HCN2: variants seen among roughly 807,000 people sequenced by gnomAD.
The protein encoded by HCN2 is hyperpolarization activated cyclic nucleotide gated potassium and sodium channel 2, also known as potassium/sodium hyperpolarization-activated cyclic nucleotide-gated channel 2.
Under a neutral mutation model 52.3 loss-of-function variants are expected in HCN2, and 20 were observed. The ratio of observed to expected loss-of-function variants is 0.38; its 90% CI spans 0.27 to 0.56. HCN2 has a LOEUF of 0.56. Ranked by LOEUF, HCN2 falls within the 20% of genes least tolerant of loss-of-function variation. The pLI, the probability that HCN2 is intolerant of heterozygous loss-of-function variation, is 0.71. For synonymous variants in HCN2, 694 were observed against 537.0 expected (o/e 1.29, Z -4.04); for missense variants, 981 against 1,207.7 (o/e 0.81, Z 2.78).
In HCN2 at chr19:615,933, G is replaced by A. The variant is rs1419435042; in HGVS notation, c.2129G>A (p.Arg710His). Residue 710 changes from arginine to histidine, a missense_variant, in exon 8 of 8, where the codon CGC becomes CAC. By Grantham distance (29) the Arg-to-His change is conservative. Coordinates refer to ENST00000251287, the MANE Select transcript of HCN2 (RefSeq NM_001194.4). The part of the protein sequence containing the change: ...EMVQQAELGQ[R>H]VGLFPPPPPP... ...GTGCAGCAGGCCGAGCTGGGTCAGCGCGTGGGCCTCTTCCCGCCGCCGCCG... is the reference window on the plus strand; with the variant it reads ...GTGCAGCAGGCCGAGCTGGGTCAGCACGTGGGCCTCTTCCCGCCGCCGCCG... 3 of 1,610,658 alleles carry A rather than the reference G, an allele frequency of 1.9e-6. No homozygotes were observed. Among genetic ancestry groups the A allele is most frequent in the African/African-American group, 2.7e-5 (2 of 75,000 alleles).
intron 3 of HCN2, among the ~76,000 whole-genome samples, chr19:606,903 G>A (rs1323767912): frequency 7.0e-6 from 1 of 142,228 alleles, no homozygotes; most frequent in Non-Finnish European, 1.5e-5. Flanking sequence ...CGGGCGCGGT[G>A]GCTCACGCCT....
Position 612,223 on chromosome 19 carries a change from G to A in HCN2, c.1585-1025G>A, listed in dbSNP as rs1983667530. ...AGCTGGTCCCTAAAGGGAACGTGGT[G>A]TAACCACCACACAGAACGAAGCTGG... On this transcript the variant is annotated intron_variant, in intron 5 of 7. Coordinates refer to ENST00000251287, the MANE Select transcript of HCN2 (RefSeq NM_001194.4). Among the ~76,000 whole-genome samples, 5 of 152,162 alleles carry A rather than the reference G, an allele frequency of 3.3e-5. No homozygotes were observed. The South Asian group carries it at 1.0e-3, about 31-fold the overall frequency.
intron 4 of HCN2, among the ~76,000 whole-genome samples, chr19:608,939 G>T (rs1247806771): frequency 6.6e-6 from 1 of 152,204 alleles, no homozygotes; most frequent in Non-Finnish European, 1.5e-5. Flanking sequence ...GCTGGGAGGG[G>T]TGGAGGGAGA....
chr19:597,288 A>G (rs1471549860), intron 1 of HCN2, among the ~76,000 whole-genome samples: 1 of 152,230 alleles, frequency 6.6e-6, no homozygotes, highest in Non-Finnish European at 1.5e-5. Flanking sequence ...GCCGTGGATA[A>G]GAGGACAGTC....
rs1198583481 is a variant in HCN2, at chr19:590,196, G to A, written c.251G>A (p.Arg84His). 9.1e-5 allele frequency: 89 copies of A among 981,778 alleles called. No homozygotes were observed. Among genetic ancestry groups the A allele is most frequent in the Non-Finnish European group, 1.1e-4 (88 of 829,866 alleles). The allele number at this position is 981,778 out of a possible 1,614,324, so 60.8% of individuals were successfully genotyped here. A position where few individuals can be genotyped will look rare whatever the true frequency, so the allele number is the denominator to read the frequency against. ...CGCAGCCGCGACAGCTCGTGCGGCC[G>A]CCCCGGCACCCCGGGCGCGGCGAGC... ...RLRSRDSSCGRPGTPGAASTA... is the reference protein window; with the variant it reads ...RLRSRDSSCGHPGTPGAASTA... The change falls in exon 1 of 8, where the codon CGC becomes CAC. Residue 84 changes from arginine (R) to histidine (H), a missense_variant. Arg to His is a conservative substitution (Grantham distance 29). This residue lies in a region of HCN2 where 215 missense variants were observed against 179.4 expected (regional missense o/e 1.20). Coordinates refer to ENST00000251287, the MANE Select transcript of HCN2 (RefSeq NM_001194.4). This position sits in a 1 kb window ranked among gnomAD's most constrained non-coding sequence, Gnocchi z 7.2.
At chr19:594,910 G>A (rs1281591675) in intron 1 of HCN2, among the ~76,000 whole-genome samples, 1 of 152,138 alleles carries the variant, frequency 6.6e-6, no homozygotes, top group Non-Finnish European at 1.5e-5. Context: ...CTCGAAAACG[G>A]ACATCTTTGT....
intron 7 of HCN2, among the ~76,000 whole-genome samples, chr19:614,619 C>T (rs1983818120): frequency 1.3e-5 from 2 of 152,220 alleles, no homozygotes; most frequent in East Asian, 1.9e-4. Flanking sequence ...TCCAGAGAGC[C>T]AGGGAGGCCT....
At position 607,907 on chromosome 19, in the gene HCN2, G is replaced by T. The variant is rs1030320926; in HGVS notation, c.1219-57G>T. Reference sequence around the variant, plus strand: ...GGTGGGCGCTGGGCCCTTGAGGACCGAGGGCTCCTGGGGCGTGAGCACCTG... The same window carrying T: ...GGTGGGCGCTGGGCCCTTGAGGACCTAGGGCTCCTGGGGCGTGAGCACCTG... On this transcript the variant is annotated intron_variant, in intron 3 of 7. Coordinates refer to ENST00000251287, the MANE Select transcript of HCN2 (RefSeq NM_001194.4). 9 of 1,399,068 alleles carry T rather than the reference G, an allele frequency of 6.4e-6. No homozygotes were observed. The South Asian group carries it at 1.1e-4, about 17-fold the overall frequency. 86.7% of individuals were successfully genotyped at this position (1,399,068 alleles called of 1,614,324 possible). A position where few individuals can be genotyped will look rare whatever the true frequency, so the allele number is the denominator to read the frequency against.
chr19:613,620 TGGGGATGGGGATGGGGCC>T lies in HCN2; in HGVS notation c.1825+149_1825+166del, dbSNP rs1422072220. ...ATGGGGATGGGGCCGGGGATGGGGA[TGGGGATGGGGATGGGGCC>T]GGGGATGGGGATGGGGATGGGGCCG... On this transcript the variant is annotated intron_variant, in intron 6 of 7. Transcript: ENST00000251287. The T allele has an allele frequency of 1.6e-3, 77 of 49,568 alleles. 2 individuals are homozygous for T. The highest frequency in any genetic ancestry group is 0.011 in the African/African-American group (66 of 6,270). The allele number at this position is 49,568 out of a possible 1,614,324, so 3.1% of individuals were successfully genotyped here. A position where few individuals can be genotyped will look rare whatever the true frequency, so the allele number is the denominator to read the frequency against.
In HCN2 at chr19:616,876, G is replaced by C. The variant is rs556388070; in HGVS notation, c.*402G>C. ...GGATCGTTTTCTAAGTGCAATACTT[G>C]GCCCGCCGGCTTCCCGCTGCCCCCA... On this transcript the variant is annotated 3_prime_UTR_variant, in exon 8 of 8. Coordinates refer to ENST00000251287, the MANE Select transcript of HCN2 (RefSeq NM_001194.4). 8.4e-4 allele frequency: 199 copies of C among 237,484 alleles called. No homozygotes were observed. In the South Asian group the frequency reaches 9.4e-3, roughly 11 times the overall value. The allele number at this position is 237,484 out of a possible 1,614,324, so 14.7% of individuals were successfully genotyped here. A position where few individuals can be genotyped will look rare whatever the true frequency, so the allele number is the denominator to read the frequency against.
rs7256665 is a variant in HCN2 at position 590,937 on chromosome 19, G to A, written c.632+360G>A. On this transcript the variant is annotated intron_variant, in intron 1 of 7. Coordinates refer to ENST00000251287, the MANE Select transcript of HCN2 (RefSeq NM_001194.4). This position sits in a 1 kb window ranked among gnomAD's most constrained non-coding sequence, Gnocchi z 7.2. ...CAGAGAGGCGGCGGAGCGGGAGGGA[G>A]GAGGAACGAAGGGCGCCCGGGAAGG... 471 of 162,912 alleles carry A rather than the reference G, an allele frequency of 2.9e-3. 4 individuals are homozygous for A. The highest frequency in any genetic ancestry group is 9.6e-3 in the African/African-American group (402 of 41,898). The allele number at this position is 162,912 out of a possible 1,614,324, so 10.1% of individuals were successfully genotyped here. A position where few individuals can be genotyped will look rare whatever the true frequency, so the allele number is the denominator to read the frequency against.
At chr19:603,522 G>T in intron 1 of HCN2, 22 bp from the exon 2 acceptor site, 1 of 1,586,984 alleles carries the variant, frequency 6.3e-7, no homozygotes, top group Non-Finnish European at 8.6e-7. Flanking sequence ...CCGGCCTGAG[G>T]TGTGGGCACC....
intron 1 of HCN2, among the ~76,000 whole-genome samples, chr19:596,554 G>C (rs1207438745): frequency 6.6e-6 from 1 of 152,228 alleles, no homozygotes; most frequent in Non-Finnish European, 1.5e-5. Context: ...ACTGTTACCT[G>C]TCGGGGATGG....
rs541952823 is a variant in HCN2, at chr19:616,429, G to T, written c.2625G>T (p.Leu875=). ...DSASPGAAGG[L]DPQDSARSRL... Reference sequence around the variant, plus strand: ...CCTCACCCGGCGCCGCCGGCGGCCTGGACCCCCAGGACTCCGCGCGCTCGC... The same window carrying T: ...CCTCACCCGGCGCCGCCGGCGGCCTTGACCCCCAGGACTCCGCGCGCTCGC... The change falls in exon 8 of 8, where the codon CTG becomes CTT. Residue 875 remains leucine (L), a synonymous_variant. Transcript: ENST00000251287. 3.5e-3 allele frequency: 4,393 copies of T among 1,242,846 alleles called. 135 individuals carry two copies. In the African/African-American group the frequency reaches 0.065, roughly 18 times the overall value. 77.0% of individuals were successfully genotyped at this position (1,242,846 alleles called of 1,614,324 possible). A position where few individuals can be genotyped will look rare whatever the true frequency, so the allele number is the denominator to read the frequency against.
At chr19:612,427 T>TGAGAGAGAGAGA (rs1555731835) in intron 5 of HCN2, among the ~76,000 whole-genome samples, 14 of 142,360 alleles carry the variant, frequency 9.8e-5, no homozygotes, top group African/African-American at 3.7e-4. Context: ...TGTGTGTGTG[T>TGAGAGAGAGAGA]GAGAGAGAGA....
At position 590,811 on chromosome 19, in the gene HCN2, C is replaced by A. The variant is rs2144500108; in HGVS notation, c.632+234C>A. ...GCGGAGCGCCCCCCTCCCACGCACC[C>A]CGACATCCTCCGCCCTGCGGCGCGG... On this transcript the variant is annotated intron_variant, in intron 1 of 7. Coordinates refer to ENST00000251287, the MANE Select transcript of HCN2 (RefSeq NM_001194.4). The surrounding 1 kb of genome is among the most constrained non-coding windows in gnomAD (Gnocchi z 7.2). 3.6e-6 allele frequency: 1 copy of A among 279,808 alleles called. No homozygotes were observed. The highest frequency in any genetic ancestry group is 5.3e-5 in the Admixed American group (1 of 18,864). The allele number at this position is 279,808 out of a possible 1,614,324, so 17.3% of individuals were successfully genotyped here.
intron 5 of HCN2, among the ~76,000 whole-genome samples, chr19:612,430 G>C (rs2144530283): frequency 6.7e-6 from 1 of 150,084 alleles, no homozygotes; most frequent in Non-Finnish European, 1.5e-5. Flanking sequence ...GTGTGTGTGA[G>C]AGAGAGATGG....
intron 5 of HCN2, among the ~76,000 whole-genome samples, chr19:611,410 T>C (rs1983631741): frequency 6.6e-6 from 1 of 151,872 alleles, no homozygotes; most frequent in South Asian, 2.1e-4. Flanking sequence ...AGGCAGGGTG[T>C]CCCCGGTGTA....
intron 1 of HCN2, among the ~76,000 whole-genome samples, chr19:601,158 C>CA (rs1364283024): frequency 6.6e-6 from 1 of 152,174 alleles, no homozygotes; most frequent in East Asian, 1.9e-4. Flanking sequence ...ACTAAAAATA[C>CA]AAAAATGAGC....
Sources: gnomAD v4.1 joint callset for allele counts (sites outside exome capture counted in the v4.1 genomes callset) on GRCh38, gnomAD v4.1.1 for gene constraint, gnomAD v4.1.1 regional missense constraint, Gnocchi (gnomAD v3.1) non-coding constraint, MANE v1.5 for transcripts, NCBI Gene and HGNC (gene_info 2026-07-23, HGNC 2026-07-21) for gene names.